The following LACTB2 variants were observed in gnomAD, a reference collection of about 807,000 sequenced individuals.
The protein encoded by LACTB2 is endoribonuclease LACTB2.
Under a neutral mutation model 34.8 loss-of-function variants are expected in LACTB2, and 32 were observed. The ratio of observed to expected loss-of-function variants is 0.92; its 90% CI spans 0.69 to 1.24. The LOEUF (loss-of-function observed/expected upper bound fraction) is 1.24. Ranked by LOEUF, LACTB2 falls within the 50% of genes most tolerant of loss-of-function variation. The pLI, the probability that LACTB2 is intolerant of heterozygous loss-of-function variation, is 0.00. For synonymous variants in LACTB2, 120 were observed against 117.5 expected (o/e 1.02, Z -0.14); for missense variants, 320 against 345.0 (o/e 0.93, Z 0.57).
intron 5 of LACTB2, 33 bp downstream of exon 5, chr8:70,640,869 T>C: frequency 6.6e-7 from 1 of 1,524,412 alleles, no homozygotes; most frequent in South Asian, 1.3e-5. Context: ...AATAAATTTG[T>C]GGCTACATAC....
Position 70,640,920 on chromosome 8 carries a change from A to T in LACTB2, c.723T>A (p.Leu241=). The change falls in exon 5 of 7, where the codon CTT becomes CTA. Residue 241 remains leucine, a synonymous_variant. Transcript: ENST00000276590. The stretch of plus-strand genomic sequence containing the variant: ...AAATTACCTTGTAAATAATTTTTAC[A>T]AGCTCCATTACTGTAAATGATTTCT... ...NFEKSFTVME[L]VKIIYKNTPE... The T allele has an allele frequency of 6.3e-7, 1 of 1,576,716 alleles. No homozygotes were observed. The highest frequency in any genetic ancestry group is 8.6e-7 in the Non-Finnish European group (1 of 1,166,844).
intron 3 of LACTB2, among the ~76,000 whole-genome samples, chr8:70,655,814 C>A (rs1818405244): frequency 2.0e-5 from 3 of 152,204 alleles, no homozygotes; most frequent in Non-Finnish European, 1.5e-5. Context: ...ACATTCCCAC[C>A]AGCAGTGTAG....
chr8:70,641,876 C>T (rs1034455586), intron 4 of LACTB2, among the ~76,000 whole-genome samples: 4 of 152,188 alleles, frequency 2.6e-5, no homozygotes, highest in African/African-American at 9.7e-5. Flanking sequence ...TGGTTAGACA[C>T]AGACCTATCA....
chr8:70,653,261 C>T (rs941179266), intron 3 of LACTB2, among the ~76,000 whole-genome samples: 2 of 152,128 alleles, frequency 1.3e-5, no homozygotes, highest in African/African-American at 4.8e-5. Context: ...TAGGCACACA[C>T]CACCATGCCT....
At chr8:70,664,419 G>C (rs946891741) in intron 1 of LACTB2, among the ~76,000 whole-genome samples, 4 of 152,150 alleles carry the variant, frequency 2.6e-5, no homozygotes, top group Non-Finnish European at 4.4e-5. Context: ...AAAGAAAACA[G>C]ATCTTTTAGA....
chr8:70,663,100 T>C (rs906826608), intron 1 of LACTB2: 1 of 152,242 alleles, frequency 6.6e-6, no homozygotes, highest in Non-Finnish European at 1.5e-5. Context: ...ATTCATTAAT[T>C]GATCAATAAC....
intron 2 of LACTB2, chr8:70,660,581 T>C (rs1397817403): frequency 2.2e-6 from 1 of 456,300 alleles, no homozygotes; most frequent in Non-Finnish European, 4.4e-6. Flanking sequence ...ACCTCCTTAC[T>C]GTGCCCTGAA....
At chr8:70,641,678 T>C (rs190698327) in intron 4 of LACTB2, among the ~76,000 whole-genome samples, 114 of 152,332 alleles carry the variant, frequency 7.5e-4, no homozygotes, top group African/African-American at 2.5e-3. Flanking sequence ...ACAGTAAAAC[T>C]TTAAGAATCC....
intron 1 of LACTB2, among the ~76,000 whole-genome samples, chr8:70,668,745 G>T (rs959474591): frequency 4.7e-5 from 6 of 128,840 alleles, no homozygotes; most frequent in African/African-American, 9.9e-5. Flanking sequence ...TTTCAAAACA[G>T]AAGTTTTTTT....
Position 70,664,111 on chromosome 8 carries a change from T to C in LACTB2, c.123-2214A>G, listed in dbSNP as rs1203211112. On this transcript the variant is annotated intron_variant, in intron 1 of 6. Transcript: ENST00000276590. ...GCAGTTATTTACCACAAATTCTCAC[T>C]GCCCCTAACGTAGAGTCACTGGGAC... Among the ~76,000 whole-genome samples, 5 of 152,196 alleles carry C rather than the reference T, an allele frequency of 3.3e-5. No individual in the cohort carries two copies. In the East Asian group the frequency reaches 9.6e-4, roughly 29 times the overall value.
intron 3 of LACTB2, among the ~76,000 whole-genome samples, chr8:70,651,327 C>G (rs1340773311): frequency 6.6e-6 from 1 of 152,106 alleles, no homozygotes; most frequent in Non-Finnish European, 1.5e-5. Context: ...TATTAAAGAG[C>G]TGTTAGAAAT....
At chr8:70,643,913 C>A in intron 4 of LACTB2, 152 bp downstream of exon 4, 1 of 601,344 alleles carries the variant, frequency 1.7e-6, no homozygotes, top group Non-Finnish European at 2.4e-6. Flanking sequence ...GAAAAACTAC[C>A]CACTTTGGCA....
intron 2 of LACTB2, 102 bp from the exon 3 acceptor site, chr8:70,657,984 A>G: frequency 1.5e-6 from 1 of 673,896 alleles, no homozygotes; most frequent in Non-Finnish European, 2.3e-6. Context: ...ACTGCATAAA[A>G]TATTAACATT....
intron 1 of LACTB2, 129 bp downstream of exon 1, chr8:70,668,870 G>T: frequency 3.1e-6 from 4 of 1,309,786 alleles, no homozygotes; most frequent in Non-Finnish European, 3.1e-6. Flanking sequence ...CGACGGGGCT[G>T]CTAGGCGCGG....
chr8:70,652,779 T>C (rs1435550503), intron 3 of LACTB2: 1 of 152,228 alleles, frequency 6.6e-6, no homozygotes, highest in African/African-American at 2.4e-5. Context: ...GTTTATATAT[T>C]ATACTTTGAT....
chr8:70,643,106 G>T (rs1287371678), intron 4 of LACTB2, among the ~76,000 whole-genome samples: 3 of 150,500 alleles, frequency 2.0e-5, no homozygotes, highest in Non-Finnish European at 4.4e-5. Context: ...ACTGTATGTT[G>T]AAAAATAACC....
intron 3 of LACTB2, chr8:70,652,639 G>A (rs1818356762): frequency 6.6e-6 from 1 of 152,146 alleles, no homozygotes; most frequent in Admixed American, 6.5e-5. Context: ...CAACTGAAGG[G>A]GAAGCAAGCA....
chr8:70,666,232 G>T (rs1284298270), intron 1 of LACTB2, among the ~76,000 whole-genome samples: 1 of 152,094 alleles, frequency 6.6e-6, no homozygotes, highest in Non-Finnish European at 1.5e-5. Context: ...GTTATAGTGG[G>T]GTATGAAGGT....
At chr8:70,651,562 A>G (rs1397363339) in intron 3 of LACTB2, among the ~76,000 whole-genome samples, 1 of 151,866 alleles carries the variant, frequency 6.6e-6, no homozygotes, top group Non-Finnish European at 1.5e-5. Flanking sequence ...TTGTAGAACC[A>G]CTCTTCATCT....
Sources: allele counts gnomAD v4.1 joint callset (sites outside exome capture counted in the v4.1 genomes callset), GRCh38; gene constraint gnomAD v4.1.1; transcripts MANE v1.5; gene names NCBI Gene and HGNC (gene_info 2026-07-23, HGNC 2026-07-21).